Variants in CUTC observed in about 807,000 individuals in gnomAD.
CUTC encodes the protein cutC copper transporter, also known as copper homeostasis protein cutC homolog.
CUTC carries 27 observed loss-of-function variants against 36.2 expected under a neutral mutation model. That is an observed-to-expected ratio of 0.75 (90% CI 0.55 to 1.03). The LOEUF (loss-of-function observed/expected upper bound fraction) is 1.03. Among genes scored for constraint, CUTC ranks in the 50% least tolerant of loss-of-function variants. The pLI is 0.00. For missense variants in CUTC, 315 were observed against 343.5 expected, an observed-to-expected ratio of 0.92 and a Z score of 0.66; for synonymous variants, 114 against 118.3, an observed-to-expected ratio of 0.96 and a Z score of 0.24.
intron 5 of CUTC, among the ~76,000 whole-genome samples, chr10:99,744,714 G>A (rs1301382759): frequency 6.6e-6 from 1 of 152,160 alleles, no homozygotes; most frequent in African/African-American, 2.4e-5. Flanking sequence ...ATACTTTCTT[G>A]TAAAGAAATA....
rs968010621 is a variant in CUTC at position 99,743,346 on chromosome 10, G to T, written c.387G>T (p.Leu129=). 1 of 1,614,044 alleles carries T rather than the reference G, an allele frequency of 6.2e-7. No individual in the cohort carries two copies. Among genetic ancestry groups the T allele is most frequent in the Non-Finnish European group, 8.5e-7 (1 of 1,179,928 alleles). The change falls in exon 4 of 9, where the codon CTG becomes CTT. Residue 129 remains leucine (L), a synonymous_variant. Transcript: ENST00000370476. ...LTEDGHIDKE[L]CMSLMAICRP... The stretch of plus-strand genomic sequence containing the variant: ...AAGATGGACACATTGACAAAGAGCT[G>T]TGTATGTCCCTTATGGGTAAGAATT...
Position 99,755,768 on chromosome 10 carries a change from A to C in CUTC, c.*29A>C. 1 of 1,385,632 alleles carries C rather than the reference A, an allele frequency of 7.2e-7. No individual in the cohort carries two copies. Among genetic ancestry groups the C allele is most frequent in the Non-Finnish European group, 1.0e-6 (1 of 973,692 alleles). The allele number at this position is 1,385,632 out of a possible 1,614,324, so 85.8% of individuals were successfully genotyped here. ...GACCTCTCTGAGAGACATGGATATC[A>C]CAGGATGAAGGTAGAACTATAATCT... On this transcript the variant is annotated 3_prime_UTR_variant, in exon 9 of 9. Coordinates refer to ENST00000370476, the MANE Select transcript of CUTC (RefSeq NM_015960.3).
At chr10:99,744,137 A>G (rs2037361224) in intron 5 of CUTC, 65 bp downstream of exon 5, 1 of 1,315,024 alleles carries the variant, frequency 7.6e-7, no homozygotes, top group African/African-American at 1.5e-5. Flanking sequence ...AACAACTGCC[A>G]CCACCTTTTT....
intron 6 of CUTC, among the ~76,000 whole-genome samples, chr10:99,748,862 A>G (rs899021329): frequency 1.3e-5 from 2 of 152,220 alleles, no homozygotes; most frequent in Admixed American, 6.5e-5. Context: ...AAGCAAGCAT[A>G]ACTTAAAACA....
chr10:99,743,513 GT>G (rs1397265468), intron 4 of CUTC, 151 bp downstream of exon 4: 3 of 711,348 alleles, frequency 4.2e-6, no homozygotes, highest in Non-Finnish European at 7.0e-6. Flanking sequence ...TTATTTAGAT[GT>G]TTGGGGTGGG....
Position 99,743,314 on chromosome 10 carries a change from T to C in CUTC, c.355T>C (p.Leu119=), listed in dbSNP as rs1466595054. The change falls in exon 4 of 9, where the codon TTG becomes CTG. Residue 119 remains leucine, a synonymous_variant. Transcript: ENST00000370476. ...TGCTGATGGTTTGGTTTTTGGGGCA[T>C]TGACTGAAGATGGACACATTGACAA... ...YGADGLVFGA[L]TEDGHIDKEL... The C allele has an allele frequency of 2.5e-6, 4 of 1,614,126 alleles. No homozygotes were observed. In the Admixed American group the frequency reaches 6.7e-5, roughly 27 times the overall value.
intron 8 of CUTC, 127 bp downstream of exon 8, chr10:99,754,761 A>G: frequency 1.5e-6 from 1 of 646,180 alleles, no homozygotes; most frequent in Non-Finnish European, 2.7e-6. Flanking sequence ...TAAGTATTGT[A>G]GTTGTTTTTG....
At chr10:99,732,514 T>A (rs980086241) in intron 1 of CUTC, 105 bp downstream of exon 1, 2 of 1,523,490 alleles carry the variant, frequency 1.3e-6, no homozygotes, top group South Asian at 1.2e-5. Context: ...TTTCCTCAGC[T>A]CCTTCCAGCC....
intron 2 of CUTC, among the ~76,000 whole-genome samples, chr10:99,738,101 C>T (rs1220152994): frequency 6.6e-6 from 1 of 151,006 alleles, no homozygotes; most frequent in Admixed American, 6.6e-5. Context: ...GCCGAGATCA[C>T]GCCATTGCAC....
rs924496376 is a variant in CUTC, at chr10:99,739,076, G to C, written c.134-634G>C. On this transcript the variant is annotated intron_variant, in intron 2 of 8. Transcript: ENST00000370476. ...TTTTAGAATAATGAATTTGTTCTCT[G>C]TCTTCCCTTGAATTGTTTTGTCATT... 3.9e-5 allele frequency among the ~76,000 whole-genome samples: 6 copies of C among 152,190 alleles called. No individual in the cohort carries two copies. In the South Asian group the frequency reaches 1.2e-3, roughly 32 times the overall value.
rs2037296493 is a variant in CUTC, at chr10:99,736,259, A to G, written c.75A>G (p.Gly25=). The G allele has an allele frequency of 1.9e-6, 3 of 1,613,896 alleles. No homozygotes were observed. Among genetic ancestry groups the G allele is most frequent in the African/African-American group, 1.3e-5 (1 of 75,042 alleles). Residue 25 remains glycine, a synonymous_variant, in exon 2 of 9, where the codon GGA becomes GGG. Transcript: ENST00000370476. ...CATGTATTTTAGGAGCAGCAAATGG[A>G]TTTCTCATGGAAGTTTGTGTTGATT... ...IPSGKAGAAN[G]FLMEVCVDSV... is the part of the protein sequence containing the mutation.
chr10:99,738,331 C>G (rs1360003264), intron 2 of CUTC, among the ~76,000 whole-genome samples: 1 of 151,098 alleles, frequency 6.6e-6, no homozygotes, highest in Admixed American at 6.6e-5. Flanking sequence ...TTAAAAAAAT[C>G]ATTTCTTAAT....
intron 6 of CUTC, among the ~76,000 whole-genome samples, chr10:99,749,524 C>A (rs2037401678): frequency 6.6e-6 from 1 of 151,696 alleles, no homozygotes; most frequent in Non-Finnish European, 1.5e-5. Context: ...TGGTAGAATT[C>A]ATTTCTTTAA....
chr10:99,738,389 GGTGTGT>G lies in CUTC; in HGVS notation c.134-1288_134-1283del, dbSNP rs10693937. Among the ~76,000 whole-genome samples the G allele has an allele frequency of 7.7e-5, 11 of 142,962 alleles. 1 individual carries two copies. The highest frequency in any genetic ancestry group is 2.3e-4 in the South Asian group (1 of 4,360). 93.8% of individuals were successfully genotyped at this position (142,962 alleles called of 152,430 possible). On this transcript the variant is annotated intron_variant, in intron 2 of 8. Coordinates refer to ENST00000370476, the MANE Select transcript of CUTC (RefSeq NM_015960.3). ...AGATTTCTCCAGTTGACTCATACAGGGTGTGTGTGTGTGTGTGTGTGTGTGTGTGTG... is the reference window on the plus strand; with the variant it reads ...AGATTTCTCCAGTTGACTCATACAGGGTGTGTGTGTGTGTGTGTGTGTGTG...
intron 3 of CUTC, among the ~76,000 whole-genome samples, chr10:99,742,707 TA>T (rs75714060): frequency 7.9e-3 from 1,060 of 134,212 alleles, no homozygotes; most frequent in Non-Finnish European, 8.6e-3. Context: ...GTATCTTGTT[TA>T]AAAAAAAAAA....
At chr10:99,742,207 T>C (rs563782625) in intron 3 of CUTC, among the ~76,000 whole-genome samples, 5 of 151,952 alleles carry the variant, frequency 3.3e-5, no homozygotes, top group Non-Finnish European at 5.9e-5. Context: ...TGTCTGTTTT[T>C]TTATTATTAT....
At chr10:99,745,084 A>T (rs7078602) in intron 5 of CUTC, among the ~76,000 whole-genome samples, 147,184 of 152,330 alleles carry the variant, frequency 0.97, 71,299 homozygotes, top group East Asian at 1. Flanking sequence ...CTATACTCTT[A>T]GGCTACACCT....
chr10:99,741,953 A>G (rs535307750), intron 3 of CUTC, among the ~76,000 whole-genome samples: 119 of 152,244 alleles, frequency 7.8e-4, no homozygotes, highest in African/African-American at 2.5e-3. Context: ...TCCTCCCTGT[A>G]CTGTCTCCTA....
chr10:99,739,752 G>GA lies in CUTC; in HGVS notation c.178dup (p.Thr60AsnfsTer29). The GA allele has an allele frequency of 6.2e-7, 1 of 1,610,766 alleles. No homozygotes were observed. Among genetic ancestry groups the GA allele is most frequent in the Non-Finnish European group, 8.5e-7 (1 of 1,178,758 alleles). Reference sequence around the variant, plus strand: ...TTATGTTCTGGTTTATCAGAGGGGGGAACTACACCCAGCATGGGTAAGTGT... The same window carrying GA: ...TTATGTTCTGGTTTATCAGAGGGGGGAAACTACACCCAGCATGGGTAAGTGT... On this transcript the variant is annotated frameshift_variant, in exon 3 of 9. Transcript: ENST00000370476. LOFTEE classifies it high-confidence loss of function.
Sources: allele counts gnomAD v4.1 joint callset (sites outside exome capture counted in the v4.1 genomes callset), GRCh38; gene constraint gnomAD v4.1.1; transcripts MANE v1.5; gene names NCBI Gene and HGNC (gene_info 2026-07-23, HGNC 2026-07-21).